The following MIGA1 variants were observed in gnomAD, a reference collection of about 807,000 sequenced individuals.
MIGA1 encodes mitoguardin 1.
MIGA1 carries 58 observed loss-of-function variants against 82.0 expected under a neutral mutation model. The ratio of observed to expected loss-of-function variants is 0.71; its 90% CI spans 0.57 to 0.88. MIGA1 has a LOEUF of 0.88. Among genes scored for constraint, MIGA1 ranks in the 40% least tolerant of loss-of-function variants. The pLI, the probability that MIGA1 is intolerant of heterozygous loss-of-function variation, is 0.00. For synonymous variants in MIGA1, 249 were observed against 253.6 expected, an observed-to-expected ratio of 0.98 and a Z score of 0.17; for missense variants, 751 against 749.1, an observed-to-expected ratio of 1.00 and a Z score of -0.03.
intron 7 of MIGA1, among the ~76,000 whole-genome samples, chr1:77,816,602 CACCAA>C (rs1332743650): frequency 2.6e-5 from 4 of 152,102 alleles, no homozygotes; most frequent in Non-Finnish European, 4.4e-5. Flanking sequence ...CTATTATTGT[CACCAA>C]ACATTATTTA....
chr1:77,846,576 C>A (rs1295347120), intron 8 of MIGA1, among the ~76,000 whole-genome samples: 1 of 151,970 alleles, frequency 6.6e-6, no homozygotes, highest in Non-Finnish European at 1.5e-5. Context: ...TCAAGCAATC[C>A]TCCCTCGTTG....
At chr1:77,790,139 C>T (rs921877918) in intron 2 of MIGA1, among the ~76,000 whole-genome samples, 9 of 152,200 alleles carry the variant, frequency 5.9e-5, no homozygotes. Context: ...AAGAAATTGA[C>T]AGTGACAATG....
intron 1 of MIGA1, among the ~76,000 whole-genome samples, chr1:77,781,270 C>T (rs914602281): frequency 6.6e-6 from 1 of 152,080 alleles, no homozygotes; most frequent in African/African-American, 2.4e-5. Context: ...GCTTTATTTT[C>T]TTTCTATTCT....
intron 14 of MIGA1, among the ~76,000 whole-genome samples, chr1:77,867,883 T>C (rs1685736177): frequency 6.6e-6 from 1 of 151,802 alleles, no homozygotes; most frequent in African/African-American, 2.4e-5. Flanking sequence ...ATAATTCTTA[T>C]TTAAAATGAT....
chr1:77,794,970 T>C (rs1331461096), intron 2 of MIGA1, among the ~76,000 whole-genome samples: 1 of 152,112 alleles, frequency 6.6e-6, no homozygotes, highest in Non-Finnish European at 1.5e-5. Flanking sequence ...AGGAGTTTTT[T>C]GTTTTTTTTT....
At chr1:77,852,655 A>G (rs1286411819) in intron 8 of MIGA1, among the ~76,000 whole-genome samples, 1 of 151,954 alleles carries the variant, frequency 6.6e-6, no homozygotes, top group African/African-American at 2.4e-5. Context: ...TGCTAATTTA[A>G]TCTCTGTTTC....
At chr1:77,856,287 C>G (rs556421433) in intron 8 of MIGA1, among the ~76,000 whole-genome samples, 7 of 152,210 alleles carry the variant, frequency 4.6e-5, no homozygotes, top group African/African-American at 1.7e-4. Context: ...TTGTTGGATT[C>G]AATTAGCTAG....
chr1:77,822,893 A>T (rs1429990440), intron 7 of MIGA1, among the ~76,000 whole-genome samples: 2 of 131,186 alleles, frequency 1.5e-5, no homozygotes, highest in Non-Finnish European at 3.1e-5. Flanking sequence ...CCCAGGCTGG[A>T]GTACAGTGGC....
At chr1:77,858,344 CAA>C (rs762233339) in intron 8 of MIGA1, among the ~76,000 whole-genome samples, 6 of 129,488 alleles carry the variant, frequency 4.6e-5, no homozygotes, top group Non-Finnish European at 5.1e-5. Flanking sequence ...GACCCTGTCT[CAA>C]AAAAAAAAAA....
chr1:77,812,442 T>C (rs888681977), intron 5 of MIGA1, among the ~76,000 whole-genome samples: 3 of 152,126 alleles, frequency 2.0e-5, no homozygotes, highest in African/African-American at 7.2e-5. Flanking sequence ...AGACTCTGTC[T>C]CAATAAATAA....
At chr1:77,804,016 G>A (rs1247056774) in intron 4 of MIGA1, among the ~76,000 whole-genome samples, 4 of 152,060 alleles carry the variant, frequency 2.6e-5, no homozygotes, top group African/African-American at 9.7e-5. Context: ...ATATCAAAAT[G>A]TCTTATGTAC....
At chr1:77,834,030 ATCT>A (rs1012982892) in intron 7 of MIGA1, among the ~76,000 whole-genome samples, 2 of 152,354 alleles carry the variant, frequency 1.3e-5, no homozygotes, top group Admixed American at 1.3e-4. Flanking sequence ...TATTGTGGAA[ATCT>A]TCTTTTGGGT....
intron 7 of MIGA1, among the ~76,000 whole-genome samples, chr1:77,822,076 G>A (rs1288846030): frequency 6.6e-6 from 1 of 151,820 alleles, no homozygotes; most frequent in African/African-American, 2.4e-5. Context: ...CTCTATAGAG[G>A]TGGTAGATAC....
chr1:77,785,756 T>C (rs1348470064), intron 2 of MIGA1, among the ~76,000 whole-genome samples: 6 of 152,246 alleles, frequency 3.9e-5, no homozygotes, highest in African/African-American at 1.2e-4. Context: ...TCTGCCCTTG[T>C]GGCTTTGCAG....
chr1:77,831,357 T>C (rs545553699), intron 7 of MIGA1, among the ~76,000 whole-genome samples: 1 of 152,162 alleles, frequency 6.6e-6, no homozygotes, highest in Non-Finnish European at 1.5e-5. Context: ...TATAAATGGG[T>C]AGCAAATGCA....
intron 1 of MIGA1, chr1:77,782,937 A>G: frequency 2.2e-6 from 2 of 902,072 alleles, no homozygotes; most frequent in Non-Finnish European, 2.7e-6. Context: ...TAACCAGAAA[A>G]GAGAGAATCT....
intron 8 of MIGA1, chr1:77,847,650 G>C (rs1000611619): frequency 1.3e-6 from 2 of 1,568,406 alleles, no homozygotes; most frequent in African/African-American, 2.7e-5. Flanking sequence ...AGCGTGTTTG[G>C]ATGTAACCAA....
intron 2 of MIGA1, among the ~76,000 whole-genome samples, chr1:77,792,351 T>G (rs143917107): frequency 1.6e-3 from 249 of 152,290 alleles, no homozygotes; most frequent in African/African-American, 5.8e-3. Flanking sequence ...AGAGGAGAAT[T>G]CATTCCACCG....
chr1:77,797,500 A>C (rs78993137), intron 2 of MIGA1, among the ~76,000 whole-genome samples: 6,023 of 152,250 alleles, frequency 0.04, 138 homozygotes, highest in Middle Eastern at 0.075. Context: ...AATTTTTTAA[A>C]AATAAGCTTA....
Sources: gnomAD v4.1 joint callset for allele counts (sites outside exome capture counted in the v4.1 genomes callset) on GRCh38, gnomAD v4.1.1 for gene constraint, MANE v1.5 for transcripts, NCBI Gene and HGNC (gene_info 2026-07-23, HGNC 2026-07-21) for gene names.